TIMD4: variants seen among roughly 807,000 people sequenced by gnomAD.
The protein encoded by TIMD4 is T-cell immunoglobulin and mucin domain-containing protein 4.
In TIMD4, 31 loss-of-function variants were observed where a neutral mutation model predicts 41.2. The ratio of observed to expected loss-of-function variants is 0.75; its 90% confidence interval spans 0.57 to 1.01. TIMD4 has a LOEUF of 1.01. Among genes scored for constraint, TIMD4 ranks in the 50% least tolerant of loss-of-function variants. The pLI, the probability that TIMD4 is intolerant of heterozygous loss-of-function variation, is 0.00. For synonymous variants in TIMD4, 204 were observed against 177.1 expected (o/e 1.15, Z -1.21); for missense variants, 479 against 472.5 (o/e 1.01, Z -0.13).
rs542575489 is a variant in TIMD4, at chr5:156,930,598, A to G, written c.845-4286T>C. ...GCTCGGTACTCACCATGAGTGTAGC[A>G]GGCAATCCACTGGCTGTGGGGAAAA... On this transcript the variant is annotated intron_variant, in intron 5 of 8. Transcript: ENST00000274532. 2.6e-5 allele frequency among the ~76,000 whole-genome samples: 4 copies of G among 152,348 alleles called. No individual in the cohort carries two copies. In the South Asian group the frequency reaches 8.3e-4, roughly 32 times the overall value.
In TIMD4 at chr5:156,945,685, G is replaced by C. The variant is rs150875132; in HGVS notation, c.844+2731C>G. 6.9e-3 allele frequency among the ~76,000 whole-genome samples: 1,050 copies of C among 152,236 alleles called. 7 individuals carry two copies. The highest frequency in any genetic ancestry group is 0.011 in the Non-Finnish European group (770 of 67,994). On this transcript the variant is annotated intron_variant, in intron 5 of 8. Transcript: ENST00000274532. ...CCTAACAAAAAAGCATGCGTGTAATGTTTGTGTAATTTAAAATAAATGAAT... is the reference window on the plus strand; with the variant it reads ...CCTAACAAAAAAGCATGCGTGTAATCTTTGTGTAATTTAAAATAAATGAAT...
intron 5 of TIMD4, among the ~76,000 whole-genome samples, chr5:156,946,546 G>A (rs531178562): frequency 3.3e-5 from 5 of 152,032 alleles, no homozygotes; most frequent in South Asian, 2.1e-4. Flanking sequence ...GCACAATCTC[G>A]GCTCACTGCA....
Position 156,948,714 on chromosome 5 carries a change from A to G in TIMD4, c.761-215T>C, listed in dbSNP as rs566897562. Among the ~76,000 whole-genome samples, 25 of 152,356 alleles carry G rather than the reference A, an allele frequency of 1.6e-4. No individual in the cohort carries two copies. In the South Asian group the frequency reaches 3.9e-3, roughly 24 times the overall value. ...ACAGGATAGGTGTTATTCCCAGTTT[A>G]CCAGTGAGGAAACTAAGGCCCAGAG... On this transcript the variant is annotated intron_variant, in intron 4 of 8. Transcript: ENST00000274532.
At position 156,919,556 on chromosome 5, in the gene TIMD4, G is replaced by A. The variant is rs559201529; in HGVS notation, c.1053-15C>T. ...TGTAGTCTAGCCTGTAAACAGAAAA[G>A]AGGGGCTCATAATGGGAAACACAAG... is the stretch of plus-strand genomic sequence containing the variant. On this transcript the variant is annotated splice_polypyrimidine_tract_variant and intron_variant, in intron 8 of 8. Coordinates refer to ENST00000274532, the MANE Select transcript of TIMD4 (RefSeq NM_138379.3). 56 of 1,606,964 alleles carry A rather than the reference G, an allele frequency of 3.5e-5. No homozygotes were observed. In the South Asian group the frequency reaches 5.7e-4, roughly 16 times the overall value.
intron 5 of TIMD4, among the ~76,000 whole-genome samples, chr5:156,936,119 G>A (rs145947680): frequency 0.012 from 1,870 of 152,192 alleles, 33 homozygotes; most frequent in African/African-American, 0.043. Flanking sequence ...CATGACTGTA[G>A]TCCCAGCTAC....
At chr5:156,947,145 C>T (rs960718826) in intron 5 of TIMD4, among the ~76,000 whole-genome samples, 3 of 151,852 alleles carry the variant, frequency 2.0e-5, no homozygotes, top group African/African-American at 2.4e-5. Flanking sequence ...TTGCAGTGAG[C>T]GGAGATCGCA....
At chr5:156,921,423 C>T (rs1759235326) in intron 7 of TIMD4, among the ~76,000 whole-genome samples, 1 of 151,696 alleles carries the variant, frequency 6.6e-6, no homozygotes, top group Non-Finnish European at 1.5e-5. Context: ...GAGTTTGAGT[C>T]CAACCTAGCC....
intron 5 of TIMD4, among the ~76,000 whole-genome samples, chr5:156,940,059 T>C (rs921945188): frequency 6.6e-6 from 1 of 152,242 alleles, no homozygotes; most frequent in Admixed American, 6.5e-5. Context: ...CCTCCCTGCC[T>C]GATTCTCCTG....
At chr5:156,924,398 A>G (rs959977357) in intron 6 of TIMD4, 3 of 416,178 alleles carry the variant, frequency 7.2e-6, no homozygotes, top group Non-Finnish European at 9.6e-6. Context: ...GTTTGGTTCA[A>G]TGGGGGTGAG....
At chr5:156,949,976 C>T (rs1054543395) in intron 3 of TIMD4, among the ~76,000 whole-genome samples, 7 of 152,074 alleles carry the variant, frequency 4.6e-5, no homozygotes, top group Non-Finnish European at 7.4e-5. Context: ...CGCCACCATG[C>T]CTGGCTAATT....
At chr5:156,958,950 A>T (rs1760031881) in intron 1 of TIMD4, among the ~76,000 whole-genome samples, 1 of 151,924 alleles carries the variant, frequency 6.6e-6, no homozygotes, top group Admixed American at 6.6e-5. Context: ...AAAATATAAA[A>T]CCCTTCTTGT....
intron 1 of TIMD4, among the ~76,000 whole-genome samples, chr5:156,957,435 C>T (rs1470811063): frequency 6.7e-6 from 1 of 148,180 alleles, no homozygotes. Flanking sequence ...ATCGCTGGAA[C>T]CCAGGAGGCG....
intron 5 of TIMD4, among the ~76,000 whole-genome samples, chr5:156,929,153 T>C (rs887836494): frequency 1.3e-5 from 2 of 152,202 alleles, no homozygotes; most frequent in African/African-American, 4.8e-5. Flanking sequence ...GTGATTTTTC[T>C]TCCTTGTGAA....
rs1286934951 is a variant in TIMD4 at position 156,954,669 on chromosome 5, C to T, written c.146G>A (p.Ser49Asn). Residue 49 changes from serine to asparagine, a missense_variant, in exon 2 of 9, where the codon AGC becomes AAC. Physicochemically the swap from Ser to Asn is conservative, Grantham distance 46. Coordinates refer to ENST00000274532, the MANE Select transcript of TIMD4 (RefSeq NM_138379.3). ...GTCTTTCCCCCAGCACATGCTGTTGCTGTTGTGAGACCAGGATGAGTACAG... is the reference window on the plus strand; with the variant it reads ...GTCTTTCCCCCAGCACATGCTGTTGTTGTTGTGAGACCAGGATGAGTACAG... Reference protein sequence around the residue: ...PCLYSSWSHNSNSMCWGKDQC... With the variant: ...PCLYSSWSHNNNSMCWGKDQC... 5 of 1,614,220 alleles carry T rather than the reference C, an allele frequency of 3.1e-6. No individual in the cohort carries two copies. The highest frequency in any genetic ancestry group is 1.7e-6 in the Non-Finnish European group (2 of 1,180,040).
At chr5:156,934,772 A>G (rs996102389) in intron 5 of TIMD4, among the ~76,000 whole-genome samples, 3 of 152,206 alleles carry the variant, frequency 2.0e-5, no homozygotes, top group African/African-American at 7.2e-5. Context: ...TTATAATCCT[A>G]CTTGAAAACA....
chr5:156,962,986 GA>G (rs1753101047), intron 1 of TIMD4, among the ~76,000 whole-genome samples, 154 bp downstream of exon 1: 2 of 152,286 alleles, frequency 1.3e-5, no homozygotes, highest in South Asian at 4.1e-4. Flanking sequence ...GCAGGACAGA[GA>G]CCCTCCACAG....
At chr5:156,920,662 T>G (rs1463024122) in intron 7 of TIMD4, among the ~76,000 whole-genome samples, 159 bp from the exon 8 acceptor site, 3 of 152,190 alleles carry the variant, frequency 2.0e-5, no homozygotes, top group Non-Finnish European at 4.4e-5. Flanking sequence ...CTTTCCCAGG[T>G]CAAACACTTG....
intron 5 of TIMD4, among the ~76,000 whole-genome samples, chr5:156,932,624 G>A (rs192077059): frequency 6.6e-6 from 1 of 152,312 alleles, no homozygotes; most frequent in East Asian, 1.9e-4. Flanking sequence ...ATCATTGGGG[G>A]ACACTGGAGG....
At chr5:156,950,498 G>T (rs1488401164) in intron 3 of TIMD4, among the ~76,000 whole-genome samples, 3 of 152,166 alleles carry the variant, frequency 2.0e-5, no homozygotes, top group Non-Finnish European at 2.9e-5. Context: ...ATTTTGTAAA[G>T]CTATTGGAAT....
Sources: allele counts gnomAD v4.1 joint callset (sites outside exome capture counted in the v4.1 genomes callset), GRCh38; gene constraint gnomAD v4.1.1; transcripts MANE v1.5; gene names NCBI Gene and HGNC (gene_info 2026-07-23, HGNC 2026-07-21).